The following SCOC variants were observed in gnomAD, a reference collection of about 807,000 sequenced individuals.
The protein encoded by SCOC is short coiled coil protein.
In SCOC, 7 loss-of-function variants were observed where a neutral mutation model predicts 9.9. The observed-to-expected ratio is 0.71, with a 90% CI of 0.40 to 1.33. The LOEUF is 1.33. SCOC is among the 40% of genes most tolerant of loss of function. The pLI, the probability that SCOC is intolerant of heterozygous loss-of-function variation, is 0.01. For missense variants in SCOC, 66 were observed against 89.7 expected (o/e 0.74, Z 1.07); for synonymous variants, 19 against 28.2 (o/e 0.67, Z 1.03).
chr4:140,308,020 A>G (rs1322662168), intron 1 of SCOC, among the ~76,000 whole-genome samples: 1 of 152,204 alleles, frequency 6.6e-6, no homozygotes, highest in East Asian at 1.9e-4. Context: ...AGGGCTAAGA[A>G]GAGGATGTCA....
rs1004918415 is a variant in SCOC, at chr4:140,304,362, A to T, written c.-18-39259A>T. On this transcript the variant is annotated intron_variant, in intron 1 of 4. Coordinates refer to the SCOC transcript ENST00000394205. ...GGAGATATTGCCACTGATTCTGGACATGTTGATTTTGAAATTCTAGTTAGA... is the reference window on the plus strand; with the variant it reads ...GGAGATATTGCCACTGATTCTGGACTTGTTGATTTTGAAATTCTAGTTAGA... 3.9e-5 allele frequency among the ~76,000 whole-genome samples: 6 copies of T among 152,282 alleles called. No homozygotes were observed. In the East Asian group the frequency reaches 1.2e-3, roughly 29 times the overall value.
At chr4:140,364,558 C>A (rs1049944656) in intron 2 of SCOC, among the ~76,000 whole-genome samples, 1 of 152,164 alleles carries the variant, frequency 6.6e-6, no homozygotes, top group Admixed American at 6.5e-5. Context: ...GCTACCTATA[C>A]TGTTTTGTGC....
Position 140,332,031 on chromosome 4 carries a change from G to A in SCOC, c.-18-11590G>A, listed in dbSNP as rs1015710847. Among the ~76,000 whole-genome samples the A allele has an allele frequency of 5.3e-5, 8 of 152,156 alleles. No individual in the cohort carries two copies. The East Asian group carries it at 1.2e-3, about 22-fold the overall frequency. ...GCAGGAGGAAGAGAGAGATGGGGAG[G>A]TGCCGCACACTTTAGAATGCCTAGA... On this transcript the variant is annotated intron_variant, in intron 1 of 4. Transcript: ENST00000394205.
chr4:140,379,413 A>G (rs1728476880), intron 2 of SCOC, among the ~76,000 whole-genome samples, 156 bp from the exon 3 acceptor site: 1 of 152,176 alleles, frequency 6.6e-6, no homozygotes, highest in Admixed American at 6.5e-5. Context: ...CCTTGGTGGT[A>G]TTATCTGCAA....
chr4:140,258,766 A>C (rs1730566089), intron 1 of SCOC, among the ~76,000 whole-genome samples: 1 of 152,198 alleles, frequency 6.6e-6, no homozygotes, highest in African/African-American at 2.4e-5. Context: ...TTAGGAACCA[A>C]ATCCAGTGTA....
intron 2 of SCOC, among the ~76,000 whole-genome samples, chr4:140,352,672 G>A (rs965261633): frequency 2.0e-5 from 3 of 152,158 alleles, no homozygotes; most frequent in African/African-American, 4.8e-5. Flanking sequence ...GCATGTTAGC[G>A]CAGTATCTAA....
intron 1 of SCOC, among the ~76,000 whole-genome samples, chr4:140,336,185 T>C (rs933173951): frequency 7.9e-5 from 12 of 152,198 alleles, no homozygotes; most frequent in African/African-American, 2.9e-4. Context: ...AATTTTTTTC[T>C]CTGAATTGTA....
chr4:140,293,699 A>C (rs1414834640), intron 1 of SCOC, among the ~76,000 whole-genome samples: 1 of 152,180 alleles, frequency 6.6e-6, no homozygotes, highest in Non-Finnish European at 1.5e-5. Context: ...AGAGAACCCC[A>C]CAGTGTATCC....
intron 1 of SCOC, chr4:140,373,994 G>C: frequency 1.6e-6 from 1 of 625,084 alleles, no homozygotes; most frequent in Non-Finnish European, 3.0e-6. Flanking sequence ...ACATCGTGTA[G>C]CTTTCTCCCC....
chr4:140,304,503 G>A (rs534060260), intron 1 of SCOC, among the ~76,000 whole-genome samples: 1 of 152,244 alleles, frequency 6.6e-6, no homozygotes, highest in South Asian at 2.1e-4. Context: ...GCACAAAGAG[G>A]CCTGTTGCGA....
chr4:140,322,948 A>G (rs1732543696), intron 1 of SCOC, among the ~76,000 whole-genome samples: 1 of 152,184 alleles, frequency 6.6e-6, no homozygotes, highest in African/African-American at 2.4e-5. Context: ...TGCTAGGCCT[A>G]GAAATATCAT....
intron 1 of SCOC, among the ~76,000 whole-genome samples, chr4:140,281,961 C>T (rs1731109334): frequency 6.6e-6 from 1 of 152,072 alleles, no homozygotes; most frequent in Non-Finnish European, 1.5e-5. Context: ...ATTGGGTATC[C>T]TATATACATA....
At chr4:140,360,277 C>A in intron 2 of SCOC, among the ~76,000 whole-genome samples, 1 of 152,148 alleles carries the variant, frequency 6.6e-6, no homozygotes, top group Non-Finnish European at 1.5e-5. Flanking sequence ...CACTAGAGGT[C>A]ACCAGCATAC....
intron 1 of SCOC, among the ~76,000 whole-genome samples, chr4:140,307,090 C>A (rs956083501): frequency 2.7e-4 from 41 of 152,156 alleles, no homozygotes; most frequent in Non-Finnish European, 8.8e-5. Context: ...TTCCACCAAA[C>A]AAGGATGCAG....
intron 1 of SCOC, among the ~76,000 whole-genome samples, chr4:140,290,278 G>C (rs1731432428): frequency 1.3e-5 from 2 of 152,222 alleles, no homozygotes; most frequent in African/African-American, 4.8e-5. Flanking sequence ...TACAGGCAGG[G>C]TAAAATCTCA....
At chr4:140,379,239 C>T (rs1369235582) in intron 2 of SCOC, 47 bp downstream of exon 2, 1 of 1,286,294 alleles carries the variant, frequency 7.8e-7, no homozygotes, top group Non-Finnish European at 1.1e-6. Context: ...TTTGTGGATG[C>T]TTTTGCTTTA....
chr4:140,262,689 GA>G (rs200841003), intron 1 of SCOC, among the ~76,000 whole-genome samples: 1,825 of 152,224 alleles, frequency 0.012, 33 homozygotes, highest in African/African-American at 0.042. Context: ...AATTTATAAA[GA>G]AAAGAGGTTT....
At chr4:140,285,913 C>T (rs776642256) in intron 1 of SCOC, among the ~76,000 whole-genome samples, 37 of 151,994 alleles carry the variant, frequency 2.4e-4, no homozygotes, top group Non-Finnish European at 4.6e-4. Flanking sequence ...GGCTGGGTGC[C>T]GTGGCTCTCG....
rs544399324 is a variant in SCOC, at chr4:140,258,571, C to T, written c.-19+1161C>T. Among the ~76,000 whole-genome samples the T allele has an allele frequency of 5.9e-5, 9 of 152,284 alleles. No individual in the cohort carries two copies. In the South Asian group the frequency reaches 1.9e-3, roughly 32 times the overall value. On this transcript the variant is annotated intron_variant, in intron 1 of 4. Coordinates refer to the SCOC transcript ENST00000394205. ...TGAATGCCATGCCAATCTCTCTCTCCTCTGACCTCACCACTTAAAGTTCCT... is the reference window on the plus strand; with the variant it reads ...TGAATGCCATGCCAATCTCTCTCTCTTCTGACCTCACCACTTAAAGTTCCT...
Sources: allele counts gnomAD v4.1 joint callset (sites outside exome capture counted in the v4.1 genomes callset), GRCh38; gene constraint gnomAD v4.1.1; transcripts MANE v1.5; gene names NCBI Gene and HGNC (gene_info 2026-07-23, HGNC 2026-07-21).